The following SBNO1 variants were observed in gnomAD, a reference collection of about 807,000 sequenced individuals.
SBNO1 encodes the protein protein strawberry notch homolog 1.
In SBNO1, 23 loss-of-function variants were observed where a neutral mutation model predicts 173.6. That is an observed-to-expected ratio of 0.13 (90% CI 0.10 to 0.19). The LOEUF (loss-of-function observed/expected upper bound fraction) is 0.19, where lower values mean the gene tolerates loss of function less well. Among genes scored for constraint, SBNO1 ranks in the 10% least tolerant of loss-of-function variants. SBNO1 has a pLI of 1.00. For missense variants in SBNO1, 1,238 were observed against 1,671.2 expected (o/e 0.74, Z 4.52); for synonymous variants, 632 against 571.5 (o/e 1.11, Z -1.51).
chr12:123,330,881 T>C (rs939699482), intron 8 of SBNO1, among the ~76,000 whole-genome samples: 1 of 152,050 alleles, frequency 6.6e-6, no homozygotes, highest in Non-Finnish European at 1.5e-5. Context: ...GCCATGAATA[T>C]GCCACAGCAC....
intron 24 of SBNO1, among the ~76,000 whole-genome samples, chr12:123,312,933 G>A (rs1215121443): frequency 6.6e-6 from 1 of 152,016 alleles, no homozygotes; most frequent in Non-Finnish European, 1.5e-5. Context: ...GCTGGGCACG[G>A]TAGCTCATGC....
chr12:123,356,045 G>C (rs1375617724), intron 1 of SBNO1, among the ~76,000 whole-genome samples: 1 of 152,168 alleles, frequency 6.6e-6, no homozygotes, highest in Non-Finnish European at 1.5e-5. Flanking sequence ...AATCTCTACA[G>C]CTCTGAGCAG....
At chr12:123,362,469 G>A (rs1330783285) in intron 1 of SBNO1, among the ~76,000 whole-genome samples, 25 of 120,688 alleles carry the variant, frequency 2.1e-4, no homozygotes, top group Admixed American at 3.6e-4. Flanking sequence ...AAAAAAAAAA[G>A]GATTCTGACG....
chr12:123,298,647 T>G (rs2048682447), intron 30 of SBNO1, among the ~76,000 whole-genome samples: 1 of 152,204 alleles, frequency 6.6e-6, no homozygotes, highest in African/African-American at 2.4e-5. Context: ...CATTTCCAAT[T>G]TAAGGTATCA....
At chr12:123,325,845 T>C (rs897761879) in intron 14 of SBNO1, among the ~76,000 whole-genome samples, 35 of 152,196 alleles carry the variant, frequency 2.3e-4, no homozygotes, top group African/African-American at 8.2e-4. Flanking sequence ...GTACAGTTTA[T>C]AGTATCTTAT....
At position 123,294,658 on chromosome 12, in the gene SBNO1, AAAAGAAAAAAAGAAAAGAAAG is replaced by A. The variant is rs2048564462; in HGVS notation, c.*1229_*1249del. On this transcript the variant is annotated 3_prime_UTR_variant, in exon 32 of 32. Transcript: ENST00000602398. Reference sequence around the variant, plus strand: ...GCAAAAAAAAAAAAAAAAAAAAAAAAAAAGAAAAAAAGAAAAGAAAGAAAAAGAAAGAAAAGATAAAAAGAC... The same window carrying A: ...GCAAAAAAAAAAAAAAAAAAAAAAAAAAAAAGAAAGAAAAGATAAAAAGAC... 6.6e-6 allele frequency: 1 copy of A among 151,812 alleles called. No homozygotes were observed. The highest frequency in any genetic ancestry group is 2.7e-5 in the African/African-American group (1 of 36,420). The allele number at this position is 151,812 out of a possible 1,614,324, so 9.4% of individuals were successfully genotyped here. A position where few individuals can be genotyped will look rare whatever the true frequency, so the allele number is the denominator to read the frequency against.
chr12:123,354,128 T>C (rs1461520676), intron 1 of SBNO1, among the ~76,000 whole-genome samples: 4 of 152,158 alleles, frequency 2.6e-5, no homozygotes, highest in Admixed American at 2.0e-4. Context: ...AACTTTTTGA[T>C]GTTCATGTAA....
intron 15 of SBNO1, among the ~76,000 whole-genome samples, chr12:123,324,080 G>A (rs1163672446): frequency 6.6e-6 from 1 of 151,916 alleles, no homozygotes; most frequent in Non-Finnish European, 1.5e-5. Context: ...TAAAACTGGT[G>A]GAACTAATTT....
chr12:123,322,368 C>A (rs1870086369), intron 16 of SBNO1, among the ~76,000 whole-genome samples: 1 of 152,100 alleles, frequency 6.6e-6, no homozygotes, highest in Admixed American at 6.5e-5. Flanking sequence ...AATCTTGGCT[C>A]ACTGCAACCT....
At chr12:123,313,201 A>AAAATAAATAAAT (rs370130754) in intron 24 of SBNO1, among the ~76,000 whole-genome samples, 17 of 138,352 alleles carry the variant, frequency 1.2e-4, no homozygotes, top group South Asian at 4.6e-4. Flanking sequence ...ACTCGGTCTT[A>AAAATAAATAAAT]AAATAAATAA....
intron 30 of SBNO1, among the ~76,000 whole-genome samples, chr12:123,299,853 T>A (rs1371816755): frequency 1.3e-5 from 2 of 151,894 alleles, no homozygotes; most frequent in Non-Finnish European, 1.5e-5. Flanking sequence ...AAAAAGATCC[T>A]GAGAGATCCT....
At chr12:123,310,048 A>C (rs1275773130) in intron 25 of SBNO1, among the ~76,000 whole-genome samples, 192 bp from the exon 26 acceptor site, 6 of 152,176 alleles carry the variant, frequency 3.9e-5, no homozygotes, top group Admixed American at 1.3e-4. Flanking sequence ...CACGCTCAAA[A>C]GAGGTTTGTC....
chr12:123,345,609 TCA>T, intron 3 of SBNO1, 39 bp from the exon 4 acceptor site: 2 of 1,545,438 alleles, frequency 1.3e-6, no homozygotes, highest in Non-Finnish European at 8.9e-7. Context: ...GAAAAATGCT[TCA>T]TTCTCTAATG....
chr12:123,304,542 A>T (rs374396640), intron 29 of SBNO1, 40 bp downstream of exon 29: 11 of 1,430,170 alleles, frequency 7.7e-6, no homozygotes, highest in Non-Finnish European at 1.1e-5. Flanking sequence ...GGCCCAAAGT[A>T]AGTATTCCTA....
Position 123,321,734 on chromosome 12 carries a change from T to TA in SBNO1, c.2126-3dup. The TA allele has an allele frequency of 1.2e-6, 2 of 1,613,432 alleles. No homozygotes were observed. Among genetic ancestry groups the TA allele is most frequent in the South Asian group, 2.2e-5 (2 of 91,058 alleles). ...TGGCTTCTCGAGTTATTTCTTCACC[T>TA]ACCCTCCGCCACAAACAAGAGAGTC... On this transcript the variant is annotated splice_region_variant and splice_polypyrimidine_tract_variant and intron_variant, in intron 16 of 31. Transcript: ENST00000602398.
chr12:123,344,122 T>C (rs929207432), intron 4 of SBNO1, among the ~76,000 whole-genome samples: 4 of 152,182 alleles, frequency 2.6e-5, no homozygotes, highest in Admixed American at 1.3e-4. Context: ...GCCACTCATA[T>C]AAGAAGCAGG....
chr12:123,346,646 A>G (rs572426512), intron 3 of SBNO1, among the ~76,000 whole-genome samples: 1 of 152,350 alleles, frequency 6.6e-6, no homozygotes, highest in East Asian at 1.9e-4. Flanking sequence ...CCTGGGCGAC[A>G]GAGCGAGACT....
Position 123,325,491 on chromosome 12 carries a change from A to G in SBNO1, c.1973+11T>C, listed in dbSNP as rs371565414. The G allele has an allele frequency of 6.3e-7, 1 of 1,582,246 alleles. No homozygotes were observed. Among genetic ancestry groups the G allele is most frequent in the Non-Finnish European group, 8.7e-7 (1 of 1,152,418 alleles). ...AAAGAAACAAAAACATTAAAAGAAC[A>G]AAAACATTACTTGGCAGTTGAAACA... On this transcript the variant is annotated intron_variant, in intron 15 of 31. Coordinates refer to ENST00000602398, the MANE Select transcript of SBNO1 (RefSeq NM_001167856.3).
intron 15 of SBNO1, among the ~76,000 whole-genome samples, 195 bp downstream of exon 15, chr12:123,325,307 T>C (rs1870495676): frequency 6.6e-6 from 1 of 152,198 alleles, no homozygotes; most frequent in African/African-American, 2.4e-5. Context: ...ATGCTTAACA[T>C]TTTAGGATTA....
Sources: allele counts gnomAD v4.1 joint callset (sites outside exome capture counted in the v4.1 genomes callset), GRCh38; gene constraint gnomAD v4.1.1; transcripts MANE v1.5; gene names NCBI Gene and HGNC (gene_info 2026-07-23, HGNC 2026-07-21).